HDGF: variants seen among roughly 807,000 people sequenced by gnomAD.
HDGF encodes the protein hepatoma-derived growth factor.
A neutral mutation model predicts 30.0 loss-of-function variants in HDGF; 5 were observed. The observed-to-expected ratio is 0.17, with a 90% CI of 0.09 to 0.35. HDGF has a LOEUF of 0.35. Among genes scored for constraint, HDGF ranks in the 10% least tolerant of loss-of-function variants. The pLI is 1.00. For synonymous variants in HDGF, 133 were observed against 112.7 expected, an observed-to-expected ratio of 1.18 and a Z score of -1.14; for missense variants, 214 against 302.8, an observed-to-expected ratio of 0.71 and a Z score of 2.18.
upstream of HDGF, chr1:156,751,962 C>T (rs1651015057): frequency 3.6e-6 from 5 of 1,385,116 alleles, no homozygotes; most frequent in African/African-American, 1.4e-5. This position sits in a 1 kb window ranked among gnomAD's most constrained non-coding sequence, Gnocchi z 4.7. Context: ...GGTGGGTGCC[C>T]GCCCGCCCGG....
chr1:156,752,056 G>T, upstream of HDGF: 1 of 1,551,500 alleles, frequency 6.4e-7, no homozygotes, highest in Non-Finnish European at 8.7e-7. Context: ...CCCCAGCGCA[G>T]TTAAGTGTGG....
intron 5 of HDGF, 22 bp downstream of exon 5, chr1:156,743,630 A>G (rs761919531): frequency 6.3e-7 from 1 of 1,588,134 alleles, no homozygotes; most frequent in South Asian, 1.1e-5. Context: ...CCAGCTGCCA[A>G]GGGGTCAGGG....
upstream of HDGF, chr1:156,752,475 A>G: frequency 1.1e-6 from 1 of 935,996 alleles, no homozygotes; most frequent in Non-Finnish European, 1.6e-6. Flanking sequence ...ATGCCAATAA[A>G]CCCAACCCCT....
At chr1:156,750,132 C>T (rs562188741) in intron 1 of HDGF, among the ~76,000 whole-genome samples, 11 of 152,228 alleles carry the variant, frequency 7.2e-5, no homozygotes, top group Middle Eastern at 3.4e-3. Flanking sequence ...CTGAGTGGCC[C>T]CAAAGTTGGC....
At chr1:156,754,214 A>G (rs1651115128), upstream of HDGF, among the ~76,000 whole-genome samples, 1 of 152,162 alleles carries the variant, frequency 6.6e-6, no homozygotes, top group Non-Finnish European at 1.5e-5. Flanking sequence ...GCGCCCGGCC[A>G]ACAAACACGC....
chr1:156,752,277 G>GC (rs1347121644), upstream of HDGF: 2 of 1,551,758 alleles, frequency 1.3e-6, no homozygotes, highest in South Asian at 2.4e-5. Flanking sequence ...CCCTACGTCC[G>GC]CCTTTGCTAA....
intron 1 of HDGF, among the ~76,000 whole-genome samples, chr1:156,759,479 C>CTTTTTTTT (rs540212944): frequency 7.2e-5 from 9 of 124,594 alleles, no homozygotes; most frequent in Non-Finnish European, 8.3e-5. Flanking sequence ...ATACCCCATT[C>CTTTTTTTT]TTTTTTTTTT....
intron 1 of HDGF, among the ~76,000 whole-genome samples, chr1:156,748,509 C>A (rs1483940732): frequency 6.6e-6 from 1 of 152,216 alleles, no homozygotes; most frequent in African/African-American, 2.4e-5. Context: ...AACTCGGCTA[C>A]CTCTTAACCA....
At chr1:156,748,029 C>T (rs1335517002) in intron 1 of HDGF, among the ~76,000 whole-genome samples, 1 of 152,162 alleles carries the variant, frequency 6.6e-6, no homozygotes, top group Non-Finnish European at 1.5e-5. Flanking sequence ...TATGCCAGCC[C>T]TGCTGACTTC....
chr1:156,752,886 T>C (rs980069125), upstream of HDGF, among the ~76,000 whole-genome samples: 13 of 152,160 alleles, frequency 8.5e-5, no homozygotes, highest in African/African-American at 2.9e-4. Flanking sequence ...TCTTCCCACG[T>C]TTCCTGATCC....
chr1:156,743,083 G>A lies in HDGF; in HGVS notation c.*366C>T, dbSNP rs1004673046. On this transcript the variant is annotated 3_prime_UTR_variant, in exon 6 of 6. Coordinates refer to ENST00000357325, the MANE Select transcript of HDGF (RefSeq NM_004494.3). ...TTCCTACCCCTGATCCCAACCCAGA[G>A]GTCCAGAATGCCTAGGAGAGTGGGA... 1.4e-5 allele frequency: 3 copies of A among 212,590 alleles called. No individual in the cohort carries two copies. In the Admixed American group the frequency reaches 1.7e-4, roughly 12 times the overall value. 13.2% of individuals were successfully genotyped at this position (212,590 alleles called of 1,614,324 possible).
At chr1:156,747,283 G>A (rs1016892463) in intron 1 of HDGF, among the ~76,000 whole-genome samples, 1 of 30,540 alleles carries the variant, frequency 3.3e-5, no homozygotes. Context: ...CCTTCTCTCC[G>A]GATTGGGGAG....
At chr1:156,764,775 A>C (rs954384288) in intron 1 of HDGF, among the ~76,000 whole-genome samples, 4 of 151,522 alleles carry the variant, frequency 2.6e-5, no homozygotes, top group Non-Finnish European at 4.4e-5. Flanking sequence ...AATCCCAGCT[A>C]CTCGGGAGGC....
upstream of HDGF, among the ~76,000 whole-genome samples, chr1:156,756,357 G>C (rs768380363): frequency 3.3e-5 from 5 of 152,172 alleles, no homozygotes; most frequent in South Asian, 6.2e-4. Flanking sequence ...ATTAGATTTT[G>C]TGTAATATTT....
At position 156,745,311 on chromosome 1, in the gene HDGF, GA is replaced by G. The variant is rs1571543774; in HGVS notation, c.149del (p.Phe50SerfsTer105). 3 of 1,612,354 alleles carry G rather than the reference GA, an allele frequency of 1.9e-6. No homozygotes were observed. The highest frequency in any genetic ancestry group is 1.7e-5 in the Admixed American group (1 of 59,862). ...STANKYQVFF[F>X]GTHETAFLGP... Reference sequence around the variant, plus strand: ...CCTCCACTCACGTCTCGTGGGTCCCGAAAAAAAAGACTTGGTATTTGTTGGC... The same window carrying G: ...CCTCCACTCACGTCTCGTGGGTCCCGAAAAAAAGACTTGGTATTTGTTGGC... On this transcript the variant is annotated frameshift_variant, in exon 2 of 6. Coordinates refer to ENST00000357325, the MANE Select transcript of HDGF (RefSeq NM_004494.3). LOFTEE classifies it high-confidence loss of function.
intron 1 of HDGF, chr1:156,747,380 T>C (rs1191273154): frequency 6.6e-6 from 1 of 151,256 alleles, no homozygotes; most frequent in Non-Finnish European, 1.5e-5. Flanking sequence ...TAGGGCTGGA[T>C]TACCGCTGCA....
At chr1:156,764,933 C>T (rs1651327528) in intron 1 of HDGF, among the ~76,000 whole-genome samples, 1 of 151,920 alleles carries the variant, frequency 6.6e-6, no homozygotes, top group South Asian at 2.1e-4. Flanking sequence ...AGACAGGTCC[C>T]TGTCCTTTAG....
chr1:156,744,644 C>T, intron 3 of HDGF: 1 of 843,780 alleles, frequency 1.2e-6, no homozygotes, highest in Non-Finnish European at 1.7e-6. Flanking sequence ...CAACCCCCGC[C>T]CCCCACCCTC....
chr1:156,756,941 C>T (rs528803055), upstream of HDGF, among the ~76,000 whole-genome samples: 1 of 151,644 alleles, frequency 6.6e-6, no homozygotes, highest in Admixed American at 6.6e-5. Flanking sequence ...TACAGTTGTA[C>T]GCCACCACGC....
Sources: gnomAD v4.1 joint callset for allele counts (sites outside exome capture counted in the v4.1 genomes callset) on GRCh38, gnomAD v4.1.1 for gene constraint, Gnocchi (gnomAD v3.1) non-coding constraint, MANE v1.5 for transcripts, NCBI Gene and HGNC (gene_info 2026-07-23, HGNC 2026-07-21) for gene names.